Variants in LRRC37A2 observed in about 807,000 individuals in gnomAD.
LRRC37A2 encodes the protein leucine-rich repeat-containing protein 37A2.
In LRRC37A2, 9 loss-of-function variants were observed where a neutral mutation model predicts 68.8. The ratio of observed to expected loss-of-function variants is 0.13; its 90% CI spans 0.08 to 0.23. The LOEUF is 0.23. Ranked by LOEUF, LRRC37A2 falls within the 10% of genes least tolerant of loss-of-function variation. LRRC37A2 has a pLI of 1.00. For missense variants in LRRC37A2, 168 were observed against 950.4 expected (o/e 0.18, Z 10.82); for synonymous variants, 63 against 367.6 (o/e 0.17, Z 9.48).
At chr17:46,752,836 G>A in the LRRC37A2 span, among the ~76,000 whole-genome samples, 2 of 151,772 alleles carry the variant, frequency 1.3e-5, no homozygotes, top group Admixed American at 6.6e-5. Context: ...GCATGATCTC[G>A]GCTCACTGCA....
chr17:46,839,142 T>C, the LRRC37A2 span, among the ~76,000 whole-genome samples: 1 of 152,210 alleles, frequency 6.6e-6, no homozygotes, highest in Admixed American at 6.5e-5. Flanking sequence ...CCTCCCAAAG[T>C]ACTGGGATTA....
chr17:46,467,911 A>G, the LRRC37A2 span, among the ~76,000 whole-genome samples: 2 of 94,234 alleles, frequency 2.1e-5, no homozygotes, highest in Non-Finnish European at 4.7e-5. Context: ...CAGAGCTAGA[A>G]GCCAATGAAT....
At chr17:46,826,871 C>T in the LRRC37A2 span, among the ~76,000 whole-genome samples, 1 of 151,210 alleles carries the variant, frequency 6.6e-6, no homozygotes, top group East Asian at 1.9e-4. Context: ...CCTCTGCCTC[C>T]TGGGTTCAAA....
chr17:46,773,230 T>C, the LRRC37A2 span, among the ~76,000 whole-genome samples: 21 of 152,190 alleles, frequency 1.4e-4, no homozygotes, highest in African/African-American at 5.1e-4. Flanking sequence ...AGAGGGGCTC[T>C]TGGGGGCAAC....
At chr17:46,824,535 C>T in the LRRC37A2 span, among the ~76,000 whole-genome samples, 1 of 152,268 alleles carries the variant, frequency 6.6e-6, no homozygotes, top group Admixed American at 6.5e-5. Context: ...AGGCGTAAGC[C>T]CCCATGCCCG....
chr17:46,980,369 T>G, the LRRC37A2 span, among the ~76,000 whole-genome samples: 1 of 146,540 alleles, frequency 6.8e-6, no homozygotes, highest in African/African-American at 2.5e-5. Context: ...TTTCTTTCTC[T>G]TCTTCTTTCT....
At chr17:46,839,886 A>G in the LRRC37A2 span, among the ~76,000 whole-genome samples, 1 of 151,938 alleles carries the variant, frequency 6.6e-6, no homozygotes, top group East Asian at 1.9e-4. Flanking sequence ...ATAGTAGTCC[A>G]TGGTGTATAT....
the LRRC37A2 span, among the ~76,000 whole-genome samples, chr17:46,760,353 G>A: frequency 6.6e-6 from 1 of 152,096 alleles, no homozygotes; most frequent in Admixed American, 6.5e-5. Context: ...AAAAGTACTG[G>A]CCAGGCAGGG....
At chr17:46,748,594 A>T in the LRRC37A2 span, among the ~76,000 whole-genome samples, 1 of 152,198 alleles carries the variant, frequency 6.6e-6, no homozygotes, top group Non-Finnish European at 1.5e-5. Context: ...GAAGGCTGGG[A>T]TACAGGGAAT....
chr17:46,783,563 C>A, the LRRC37A2 span, among the ~76,000 whole-genome samples: 4 of 152,186 alleles, frequency 2.6e-5, no homozygotes, highest in African/African-American at 9.7e-5. Context: ...ACTGTGGGTG[C>A]CTTAAATGAG....
the LRRC37A2 span, among the ~76,000 whole-genome samples, chr17:46,946,282 C>CAAAAAA: frequency 3.9e-5 from 5 of 126,676 alleles, no homozygotes; most frequent in African/African-American, 1.6e-4. Context: ...CTAAAAATAC[C>CAAAAAA]AAAAAAAAAA....
the LRRC37A2 span, chr17:47,027,438 A>G: frequency 3.5e-6 from 2 of 574,340 alleles, no homozygotes; most frequent in South Asian, 1.9e-5. Flanking sequence ...TACAAGTCCA[A>G]ACGTTTAGAG....
the LRRC37A2 span, among the ~76,000 whole-genome samples, chr17:46,942,232 G>T: frequency 3.0e-4 from 45 of 152,206 alleles, no homozygotes; most frequent in African/African-American, 1.0e-3. Flanking sequence ...ATCTGTTACT[G>T]TCTCAACCGG....
the LRRC37A2 span, among the ~76,000 whole-genome samples, chr17:46,413,022 A>AGTT: frequency 2.3e-4 from 18 of 78,318 alleles, no homozygotes; most frequent in Non-Finnish European, 4.4e-4. Context: ...GGAAGGAAAT[A>AGTT]GTTATGGTAC....
the LRRC37A2 span, among the ~76,000 whole-genome samples, chr17:47,000,115 ATAAAATAAAAT>A: frequency 4.9e-5 from 7 of 142,478 alleles, no homozygotes; most frequent in East Asian, 3.3e-4. Flanking sequence ...ATAAAATAAA[ATAAAATAAAAT>A]AAAATAAAAT....
chr17:46,541,648 A>G (rs934683975), intron 8 of LRRC37A2, among the ~76,000 whole-genome samples: 1 of 150,942 alleles, frequency 6.6e-6, no homozygotes, highest in Non-Finnish European at 1.5e-5. Flanking sequence ...CCTCATCCAT[A>G]GATTCAACGA....
the LRRC37A2 span, chr17:46,722,291 C>A: frequency 2.2e-5 from 17 of 790,160 alleles, no homozygotes; most frequent in Non-Finnish European, 3.7e-5. Flanking sequence ...ACGGTTCTTA[C>A]CTTCTTACCT....
chr17:46,845,637 C>A, the LRRC37A2 span, among the ~76,000 whole-genome samples: 1 of 151,282 alleles, frequency 6.6e-6, no homozygotes, highest in African/African-American at 2.4e-5. Context: ...ACTACAGGTG[C>A]CCGCCACCAC....
At chr17:46,943,898 G>C in the LRRC37A2 span, among the ~76,000 whole-genome samples, 1 of 152,200 alleles carries the variant, frequency 6.6e-6, no homozygotes, top group Non-Finnish European at 1.5e-5. Flanking sequence ...GAATCCTGGC[G>C]ATCCCTCGGT....
Sources: gnomAD v4.1 joint callset for allele counts (sites outside exome capture counted in the v4.1 genomes callset) on GRCh38, gnomAD v4.1.1 for gene constraint, MANE v1.5 for transcripts, NCBI Gene and HGNC (gene_info 2026-07-23, HGNC 2026-07-21) for gene names.